Variants in HYDIN observed in about 807,000 individuals in gnomAD.
HYDIN encodes axonemal central pair apparatus protein HYDIN.
Under a neutral mutation model 403.9 loss-of-function variants are expected in HYDIN, and 132 were observed. The ratio of observed to expected loss-of-function variants is 0.33; its 90% confidence interval spans 0.28 to 0.38. HYDIN has a LOEUF of 0.38. Ranked by LOEUF, HYDIN falls within the 10% of genes least tolerant of loss-of-function variation. HYDIN has a pLI of 1.00. For missense variants in HYDIN, 2,827 were observed against 5,009.5 expected (o/e 0.56, Z 13.15); for synonymous variants, 1,202 against 1,891.7 (o/e 0.64, Z 9.46).
At chr16:70,921,770 C>T (rs1377719091) in intron 45 of HYDIN, among the ~76,000 whole-genome samples, 1 of 152,180 alleles carries the variant, frequency 6.6e-6, no homozygotes, top group African/African-American at 2.4e-5. Context: ...TTATTAAAAC[C>T]ACACATGTAT....
At position 71,130,528 on chromosome 16, in the gene HYDIN, C is replaced by T. The variant is rs371206989; in HGVS notation, c.1044-705G>A. ...CGGAGTCTCGCTCTGTCGCCCAGGC[C>T]GGACTGCGGACTGCAGTGGCGCAAT... On this transcript the variant is annotated intron_variant, in intron 8 of 85. Transcript: ENST00000393567. Among the ~76,000 whole-genome samples the T allele has an allele frequency of 8.9e-4, 128 of 143,050 alleles. 1 individual carries two copies. The East Asian group carries it at 0.02, about 22-fold the overall frequency. 93.8% of individuals were successfully genotyped at this position (143,050 alleles called of 152,430 possible).
In HYDIN at chr16:70,970,848, T is replaced by C. The variant is rs1315512925; in HGVS notation, c.5380-89A>G. The C allele has an allele frequency of 4.8e-5, 61 of 1,277,788 alleles. No individual in the cohort carries two copies. In the South Asian group the frequency reaches 7.7e-4, roughly 16 times the overall value. The allele number at this position is 1,277,788 out of a possible 1,614,324, so 79.2% of individuals were successfully genotyped here. A position where few individuals can be genotyped will look rare whatever the true frequency, so the allele number is the denominator to read the frequency against. The stretch of plus-strand genomic sequence containing the variant: ...AACACTGCTGAGGGGAAAAAACTTA[T>C]CTATTTAGATTAAGGGAGAAAACTT... On this transcript the variant is annotated intron_variant, in intron 35 of 85. Transcript: ENST00000393567.
At chr16:70,902,821 A>ATATATATATTTTTTTTTTTTTTTTTTT in intron 52 of HYDIN, among the ~76,000 whole-genome samples, 2 of 47,310 alleles carry the variant, frequency 4.2e-5, no homozygotes, top group African/African-American at 1.2e-4. Context: ...ATATATATAT[A>ATATATATATTTTTTTTTTTTTTTTTTT]TTTTTTTTTT....
intron 12 of HYDIN, among the ~76,000 whole-genome samples, chr16:71,084,913 T>A (rs1449146128): frequency 4.6e-5 from 7 of 151,852 alleles, no homozygotes; most frequent in Non-Finnish European, 8.8e-5. Flanking sequence ...ATTGATTTTC[T>A]TATGTTAAGC....
chr16:70,942,927 G>A (rs2077727372), intron 42 of HYDIN, among the ~76,000 whole-genome samples: 1 of 152,068 alleles, frequency 6.6e-6, no homozygotes, highest in African/African-American at 2.4e-5. Context: ...GGAACACCTT[G>A]TTCAAATCAG....
intron 1 of HYDIN, among the ~76,000 whole-genome samples, chr16:71,199,677 T>C (rs1200750859): frequency 1.3e-5 from 2 of 152,208 alleles, no homozygotes; most frequent in Non-Finnish European, 2.9e-5. Flanking sequence ...CTGAATTACC[T>C]AGCCTACCAT....
intron 58 of HYDIN, among the ~76,000 whole-genome samples, chr16:70,886,668 G>T (rs1333472013): frequency 6.6e-6 from 1 of 152,150 alleles, no homozygotes; most frequent in Non-Finnish European, 1.5e-5. Flanking sequence ...TTATCCCTGA[G>T]AAATATTTTT....
At chr16:70,868,846 C>G in intron 65 of HYDIN, 58 bp from the exon 66 acceptor site, 1 of 1,508,498 alleles carries the variant, frequency 6.6e-7, no homozygotes, top group South Asian at 1.2e-5. Context: ...ACTCTTGATA[C>G]CTGCTGGTGA....
chr16:71,227,842 T>C (rs1234190651), intron 1 of HYDIN, among the ~76,000 whole-genome samples: 1 of 152,150 alleles, frequency 6.6e-6, no homozygotes, highest in African/African-American at 2.4e-5. Context: ...AAAAAGAGCC[T>C]GCATTGCCAA....
At chr16:71,101,524 A>C (rs374609420) in intron 10 of HYDIN, among the ~76,000 whole-genome samples, 19 of 144,298 alleles carry the variant, frequency 1.3e-4, no homozygotes, top group African/African-American at 4.5e-4. Context: ...AAAATGGGCA[A>C]AGGCCAAATA....
At position 71,220,723 on chromosome 16, in the gene HYDIN, T is replaced by C. The variant is rs544903467; in HGVS notation, c.-24+9839A>G. On this transcript the variant is annotated intron_variant, in intron 1 of 85. Coordinates refer to ENST00000393567, the MANE Select transcript of HYDIN (RefSeq NM_001270974.2). ...TGGGGAACCAGACTAGGAGAGAGAG[T>C]GGAGTAATGAGAAGCCTTTCATGTT... Among the ~76,000 whole-genome samples the C allele has an allele frequency of 3.0e-4, 45 of 151,990 alleles. No individual in the cohort carries two copies. The South Asian group carries it at 8.5e-3, about 29-fold the overall frequency.
chr16:71,227,163 G>GTA (rs57338937), intron 1 of HYDIN, among the ~76,000 whole-genome samples: 2,309 of 149,386 alleles, frequency 0.015, 52 homozygotes, highest in African/African-American at 0.048. Flanking sequence ...GTGTGTGTGT[G>GTA]TATATATATA....
chr16:71,186,517 TA>T (rs1395007065), intron 2 of HYDIN, among the ~76,000 whole-genome samples: 1 of 152,176 alleles, frequency 6.6e-6, no homozygotes, highest in Admixed American at 6.5e-5. Context: ...AGTTCATTTG[TA>T]AAGTCTCACT....
intron 8 of HYDIN, among the ~76,000 whole-genome samples, chr16:71,134,509 C>T (rs1213718337): frequency 1.3e-5 from 2 of 152,230 alleles, no homozygotes; most frequent in African/African-American, 4.8e-5. Flanking sequence ...CGCTAAAGAT[C>T]TCGCTGCTGC....
intron 1 of HYDIN, among the ~76,000 whole-genome samples, chr16:71,199,469 A>G (rs937196532): frequency 4.6e-5 from 7 of 152,162 alleles, no homozygotes; most frequent in African/African-American, 1.4e-4. Context: ...TAAGTCTCAC[A>G]GCTCTTCCTT....
At chr16:71,172,520 T>A (rs967667038) in intron 5 of HYDIN, among the ~76,000 whole-genome samples, 1 of 152,072 alleles carries the variant, frequency 6.6e-6, no homozygotes, top group Non-Finnish European at 1.5e-5. Context: ...TCCAATCATT[T>A]TTTTTAAAAA....
At chr16:70,963,907 C>CA (rs2078492391) in intron 37 of HYDIN, among the ~76,000 whole-genome samples, 1 of 149,558 alleles carries the variant, frequency 6.7e-6, no homozygotes, top group Admixed American at 6.7e-5. Flanking sequence ...AATGCCTTTA[C>CA]GGGGACTTCT....
chr16:71,178,643 A>T (rs1489536470), intron 4 of HYDIN, among the ~76,000 whole-genome samples: 1 of 152,056 alleles, frequency 6.6e-6, no homozygotes, highest in Non-Finnish European at 1.5e-5. Context: ...TTTGTCATAC[A>T]TAAGAACCCC....
rs746525806 is a variant in HYDIN, at chr16:71,179,012, C to A, written c.297G>T (p.Gln99His). ...SGIDLDQALF[Q>H]PFPSEIIFQN... ...GAAATATAATTTCTGATGGAAAGGG[C>A]TGGAATAATGCCTGATCCAGGTCAA... The change falls in exon 4 of 86, where the codon CAG becomes CAT. Residue 99 changes from glutamine (Q) to histidine (H), a missense_variant. Coordinates refer to ENST00000393567, the MANE Select transcript of HYDIN (RefSeq NM_001270974.2). The A allele has an allele frequency of 6.2e-7, 1 of 1,612,070 alleles. No homozygotes were observed. Among genetic ancestry groups the A allele is most frequent in the East Asian group, 2.2e-5 (1 of 44,816 alleles).
Sources: allele counts gnomAD v4.1 joint callset (sites outside exome capture counted in the v4.1 genomes callset), GRCh38; gene constraint gnomAD v4.1.1; transcripts MANE v1.5; gene names NCBI Gene and HGNC (gene_info 2026-07-23, HGNC 2026-07-21).